Variants in ANKS1B observed in about 807,000 individuals in gnomAD.
ANKS1B encodes the protein ankyrin repeat and sterile alpha motif domain containing 1B.
ANKS1B carries 36 observed loss-of-function variants against 148.3 expected under a neutral mutation model. The ratio of observed to expected loss-of-function variants is 0.24; its 90% CI spans 0.19 to 0.32. The LOEUF (loss-of-function observed/expected upper bound fraction) is 0.32, where lower values mean the gene tolerates loss of function less well. Among genes scored for constraint, ANKS1B ranks in the 10% least tolerant of loss-of-function variants. The pLI is 1.00. For missense variants in ANKS1B, 1,157 were observed against 1,542.6 expected, an observed-to-expected ratio of 0.75 and a Z score of 4.19; for synonymous variants, 542 against 560.8, an observed-to-expected ratio of 0.97 and a Z score of 0.47.
At chr12:98,975,758 CTGAGA>C (rs985105589) in intron 17 of ANKS1B, among the ~76,000 whole-genome samples, 3 of 151,894 alleles carry the variant, frequency 2.0e-5, no homozygotes, top group South Asian at 4.2e-4. Flanking sequence ...AATATTCAGA[CTGAGA>C]TAAGAGTGAA....
At chr12:99,793,903 A>T (rs1030558894) in intron 4 of ANKS1B, among the ~76,000 whole-genome samples, 3 of 152,136 alleles carry the variant, frequency 2.0e-5, no homozygotes, top group Non-Finnish European at 4.4e-5. Flanking sequence ...AATAGGAGAA[A>T]ATATTTGCAA....
At chr12:99,478,472 A>T (rs1369738468) in intron 10 of ANKS1B, among the ~76,000 whole-genome samples, 4 of 152,102 alleles carry the variant, frequency 2.6e-5, no homozygotes, top group Non-Finnish European at 4.4e-5. Flanking sequence ...AGTCACTCCC[A>T]TGTACATACA....
chr12:98,924,801 C>A (rs1313005626), intron 17 of ANKS1B, among the ~76,000 whole-genome samples: 1 of 152,152 alleles, frequency 6.6e-6, no homozygotes, highest in Non-Finnish European at 1.5e-5. Context: ...AAATAGTCTT[C>A]ATCATACAGA....
At chr12:98,891,447 G>GA (rs955033524) in intron 17 of ANKS1B, among the ~76,000 whole-genome samples, 110 of 151,864 alleles carry the variant, frequency 7.2e-4, no homozygotes, top group African/African-American at 2.4e-3. Flanking sequence ...TGAAGATAGA[G>GA]AAAAAATCAG....
intron 17 of ANKS1B, among the ~76,000 whole-genome samples, chr12:98,928,357 A>T (rs1040355802): frequency 1.3e-5 from 2 of 151,914 alleles, no homozygotes; most frequent in Non-Finnish European, 2.9e-5. Flanking sequence ...TCTACCAAAT[A>T]CTTAAAGAAT....
At chr12:98,994,921 G>A (rs1310649555) in intron 17 of ANKS1B, among the ~76,000 whole-genome samples, 1 of 152,128 alleles carries the variant, frequency 6.6e-6, no homozygotes, top group African/African-American at 2.4e-5. Flanking sequence ...TTCAATTTAT[G>A]TATTGTTGGA....
At chr12:99,273,453 T>C (rs1451960102) in intron 12 of ANKS1B, among the ~76,000 whole-genome samples, 1 of 152,194 alleles carries the variant, frequency 6.6e-6, no homozygotes. Flanking sequence ...TGTAAGACTG[T>C]TGTATGACTC....
chr12:99,833,860 A>G (rs10860531), intron 1 of ANKS1B, among the ~76,000 whole-genome samples: 94,531 of 151,940 alleles, frequency 0.62, 31,024 homozygotes, highest in African/African-American at 0.78. Context: ...TATAATACAC[A>G]CATTTTTAAT....
chr12:99,553,759 A>T (rs557622821), intron 9 of ANKS1B, among the ~76,000 whole-genome samples: 2 of 152,204 alleles, frequency 1.3e-5, no homozygotes, highest in Admixed American at 6.5e-5. Context: ...CTTGATTTTT[A>T]TTTGCGGGAT....
Position 99,500,033 on chromosome 12 carries a change from G to A in ANKS1B, c.1438+4443C>T, listed in dbSNP as rs115148983. Among the ~76,000 whole-genome samples, 441 of 152,216 alleles carry A rather than the reference G, an allele frequency of 2.9e-3. 4 individuals carry two copies. The highest frequency in any genetic ancestry group is 0.01 in the African/African-American group (433 of 41,540). On this transcript the variant is annotated intron_variant, in intron 10 of 26. Coordinates refer to ENST00000683438, the MANE Select transcript of ANKS1B (RefSeq NM_001352186.2). ...AAGCCTTAAAAGCTATAAGAAAGGT[G>A]TTGATGAAAGCTTAAAGGAAAGAAA...
At chr12:99,280,470 C>G (rs61940240) in intron 12 of ANKS1B, among the ~76,000 whole-genome samples, 24,121 of 152,118 alleles carry the variant, frequency 0.16, 2,516 homozygotes, top group Non-Finnish European at 0.24. Context: ...TGTTTTACTT[C>G]TGGGCTGCCA....
chr12:99,875,961 A>G (rs1484415924), intron 1 of ANKS1B, among the ~76,000 whole-genome samples: 30 of 152,220 alleles, frequency 2.0e-4, no homozygotes, highest in Admixed American at 2.0e-3. Context: ...TTTAAGGTGT[A>G]ACATAAAAGA....
chr12:98,751,880 T>C lies in ANKS1B; in HGVS notation c.3580-358A>G, dbSNP rs939786497. On this transcript the variant is annotated intron_variant, in intron 25 of 26. Coordinates refer to ENST00000683438, the MANE Select transcript of ANKS1B (RefSeq NM_001352186.2). This position sits in a 1 kb window ranked among gnomAD's most constrained non-coding sequence, Gnocchi z 4.3. ...CCTCACAATTTGCCCAAAAGGAAATTTCCTGTGGACAAAAGACAGAGCTCA... is the reference window on the plus strand; with the variant it reads ...CCTCACAATTTGCCCAAAAGGAAATCTCCTGTGGACAAAAGACAGAGCTCA... Among the ~76,000 whole-genome samples the C allele has an allele frequency of 6.6e-6, 1 of 152,206 alleles. No homozygotes were observed. The highest frequency in any genetic ancestry group is 1.5e-5 in the Non-Finnish European group (1 of 68,034).
chr12:99,771,526 G>A (rs2153620892), intron 8 of ANKS1B, among the ~76,000 whole-genome samples: 1 of 152,106 alleles, frequency 6.6e-6, no homozygotes, highest in African/African-American at 2.4e-5. Context: ...AACTTTCAAG[G>A]AAATATTAAA....
chr12:99,258,183 G>T (rs1479183761), intron 12 of ANKS1B, among the ~76,000 whole-genome samples: 1 of 152,102 alleles, frequency 6.6e-6, no homozygotes, highest in Non-Finnish European at 1.5e-5. Flanking sequence ...CATAGGTAGG[G>T]TTAATAATAA....
At chr12:99,914,410 CAT>C (rs1047569766) in intron 1 of ANKS1B, among the ~76,000 whole-genome samples, 22 of 152,228 alleles carry the variant, frequency 1.4e-4, no homozygotes, top group South Asian at 4.2e-4. Context: ...ACTTGAAAGA[CAT>C]GTGGTAATCA....
intron 11 of ANKS1B, among the ~76,000 whole-genome samples, chr12:99,433,732 T>A (rs989889668): frequency 1.1e-4 from 16 of 152,056 alleles, no homozygotes; most frequent in African/African-American, 3.9e-4. Flanking sequence ...GATACAAATT[T>A]AGGAATAATC....
intron 1 of ANKS1B, among the ~76,000 whole-genome samples, chr12:99,890,099 A>T (rs2093018776): frequency 6.6e-6 from 1 of 152,170 alleles, no homozygotes; most frequent in South Asian, 2.1e-4. Flanking sequence ...ATTAACTCAG[A>T]GTTAGGTGAA....
intron 10 of ANKS1B, among the ~76,000 whole-genome samples, chr12:99,498,415 C>G (rs1400399252): frequency 6.6e-6 from 1 of 152,154 alleles, no homozygotes; most frequent in Admixed American, 6.5e-5. Flanking sequence ...CTCTCTGCAT[C>G]TCTGCACACA....
Sources: allele counts gnomAD v4.1 joint callset (sites outside exome capture counted in the v4.1 genomes callset), GRCh38; gene constraint gnomAD v4.1.1; non-coding constraint Gnocchi (gnomAD v3.1); transcripts MANE v1.5; gene names NCBI Gene and HGNC (gene_info 2026-07-23, HGNC 2026-07-21).